DDX60: variants seen among roughly 807,000 people sequenced by gnomAD.
DDX60 encodes the protein DExD/H-box helicase 60.
DDX60 carries 165 observed loss-of-function variants against 212.8 expected under a neutral mutation model. That is an observed-to-expected ratio of 0.78 (90% CI 0.68 to 0.88). The LOEUF (loss-of-function observed/expected upper bound fraction) is 0.88, where lower values mean the gene tolerates loss of function less well. Among genes scored for constraint, DDX60 ranks in the 40% least tolerant of loss-of-function variants. The pLI, the probability that DDX60 is intolerant of heterozygous loss-of-function variation, is 0.00. For synonymous variants in DDX60, 703 were observed against 685.3 expected (o/e 1.03, Z -0.40); for missense variants, 1,905 against 2,003.9 (o/e 0.95, Z 0.94).
At chr4:168,318,899 T>A (rs1273859822), upstream of DDX60, 1 of 152,194 alleles carries the variant, frequency 6.6e-6, no homozygotes, top group African/African-American at 2.4e-5. Context: ...TTCCCTTCAA[T>A]CAGAATCTTA....
intron 33 of DDX60, among the ~76,000 whole-genome samples, chr4:168,235,236 G>C (rs1239493057): frequency 1.3e-5 from 2 of 151,762 alleles, no homozygotes; most frequent in African/African-American, 4.8e-5. Context: ...AAACTCCTGG[G>C]CTCAAGCAAT....
chr4:168,318,831 T>G (rs2149562184), upstream of DDX60: 1 of 152,340 alleles, frequency 6.6e-6, no homozygotes, highest in South Asian at 2.1e-4. Flanking sequence ...AGCACTTAGG[T>G]TTCAGTTTCC....
At chr4:168,259,808 G>A (rs1734553471) in intron 25 of DDX60, among the ~76,000 whole-genome samples, 1 of 151,656 alleles carries the variant, frequency 6.6e-6, no homozygotes, top group Admixed American at 6.6e-5. Flanking sequence ...CAAGATATCA[G>A]TGTATCTGGA....
intron 8 of DDX60, among the ~76,000 whole-genome samples, chr4:168,291,113 G>A (rs1736075758): frequency 6.6e-6 from 1 of 151,978 alleles, no homozygotes. Context: ...AGAGAAATGG[G>A]TAAGTAAACC....
intron 30 of DDX60, among the ~76,000 whole-genome samples, chr4:168,238,931 C>G (rs1733737295): frequency 6.6e-6 from 1 of 152,084 alleles, no homozygotes; most frequent in Admixed American, 6.6e-5. Context: ...ACTATTCATC[C>G]AGCTCAGCTC....
chr4:168,319,230 G>C (rs754366689), upstream of DDX60, among the ~76,000 whole-genome samples: 1 of 152,014 alleles, frequency 6.6e-6, no homozygotes, highest in South Asian at 2.1e-4. Context: ...CCTTAAAAGA[G>C]AGAGACAAAG....
chr4:168,299,520 G>T (rs1736559676), intron 6 of DDX60, among the ~76,000 whole-genome samples: 1 of 150,978 alleles, frequency 6.6e-6, no homozygotes, highest in African/African-American at 2.4e-5. Context: ...CAAAATTCTT[G>T]GTTTTAAATA....
At chr4:168,322,435 C>G (rs1253163430), upstream of DDX60, among the ~76,000 whole-genome samples, 5 of 152,122 alleles carry the variant, frequency 3.3e-5, no homozygotes, top group African/African-American at 7.2e-5. Context: ...CTAGAGCAAG[C>G]CTCATCATTT....
At chr4:168,285,787 G>A (rs1735802486) in intron 10 of DDX60, among the ~76,000 whole-genome samples, 2 of 151,408 alleles carry the variant, frequency 1.3e-5, no homozygotes, top group African/African-American at 4.8e-5. Context: ...ATGGATGGGT[G>A]GATGGATGTA....
Position 168,313,970 on chromosome 4 carries a change from C to T in DDX60, c.-106-2605G>A, listed in dbSNP as rs182878402. On this transcript the variant is annotated intron_variant, in intron 1 of 37. Transcript: ENST00000393743. The stretch of plus-strand genomic sequence containing the variant: ...TAGCTATGGTGACAAAATAAAACTG[C>T]GTTAATGGGCAATCCCTCCTTAATT... Among the ~76,000 whole-genome samples, 8 of 152,272 alleles carry T rather than the reference C, an allele frequency of 5.3e-5. No individual in the cohort carries two copies. In the South Asian group the frequency reaches 6.2e-4, roughly 12 times the overall value.
At chr4:168,316,976 T>G (rs902526485) in intron 1 of DDX60, among the ~76,000 whole-genome samples, 10 of 147,980 alleles carry the variant, frequency 6.8e-5, no homozygotes, top group African/African-American at 2.5e-4. Context: ...AAGAATCGCT[T>G]GAACCTGGGA....
intron 6 of DDX60, among the ~76,000 whole-genome samples, chr4:168,301,889 A>T (rs895537795): frequency 3.3e-5 from 5 of 152,244 alleles, no homozygotes; most frequent in African/African-American, 4.8e-5. Flanking sequence ...AGGACCCAAG[A>T]TTAATTCAGT....
intron 32 of DDX60, among the ~76,000 whole-genome samples, chr4:168,236,774 GA>G (rs1365232593): frequency 1.3e-5 from 2 of 151,536 alleles, no homozygotes; most frequent in South Asian, 2.1e-4. Flanking sequence ...ATTTTTAGGG[GA>G]AAATATGATT....
intron 3 of DDX60, 66 bp downstream of exon 3, chr4:168,310,929 TAAG>T: frequency 1.5e-5 from 14 of 921,520 alleles, no homozygotes; most frequent in Middle Eastern, 2.2e-4. Flanking sequence ...TAAATCAGCA[TAAG>T]GCCAAATAGA....
At chr4:168,241,069 A>G (rs1197868686) in intron 30 of DDX60, among the ~76,000 whole-genome samples, 1 of 152,212 alleles carries the variant, frequency 6.6e-6, no homozygotes, top group African/African-American at 2.4e-5. Flanking sequence ...TTTTAAAAAG[A>G]GGAATTCCCC....
intron 22 of DDX60, 64 bp from the exon 23 acceptor site, chr4:168,262,851 T>G: frequency 1.7e-6 from 2 of 1,143,008 alleles, no homozygotes; most frequent in Non-Finnish European, 2.5e-6. Flanking sequence ...CTTTGCCTCT[T>G]AGTCACTATC....
chr4:168,218,815 A>G (rs559150386), intron 37 of DDX60, among the ~76,000 whole-genome samples: 23 of 152,094 alleles, frequency 1.5e-4, no homozygotes, highest in African/African-American at 5.5e-4. Context: ...CTTCTTCCCC[A>G]TAATTTAAGG....
intron 8 of DDX60, among the ~76,000 whole-genome samples, chr4:168,289,967 T>C (rs915684000): frequency 2.6e-4 from 39 of 152,210 alleles, no homozygotes; most frequent in African/African-American, 8.9e-4. Flanking sequence ...ACTCTCTGCA[T>C]TGCAAGCCAG....
At chr4:168,317,089 A>G (rs1042721380) in intron 1 of DDX60, among the ~76,000 whole-genome samples, 14 of 151,450 alleles carry the variant, frequency 9.2e-5, no homozygotes, top group Middle Eastern at 3.4e-3. Flanking sequence ...AGAAGAAGAA[A>G]AAAAAGAAAA....
Sources: gnomAD v4.1 joint callset for allele counts (sites outside exome capture counted in the v4.1 genomes callset) on GRCh38, gnomAD v4.1.1 for gene constraint, MANE v1.5 for transcripts, NCBI Gene and HGNC (gene_info 2026-07-23, HGNC 2026-07-21) for gene names.